The following ATP2B2 variants were observed in gnomAD, a reference collection of about 807,000 sequenced individuals.
ATP2B2 encodes the protein plasma membrane calcium-transporting ATPase 2.
ATP2B2 carries 15 observed loss-of-function variants against 120.0 expected under a neutral mutation model. That is an observed-to-expected ratio of 0.12 (90% CI 0.08 to 0.19). The LOEUF (loss-of-function observed/expected upper bound fraction) is 0.19, where lower values mean the gene tolerates loss of function less well. Among genes scored for constraint, ATP2B2 ranks in the 10% least tolerant of loss-of-function variants. ATP2B2 has a pLI of 1.00. For missense variants in ATP2B2, 1,045 were observed against 1,719.8 expected, an observed-to-expected ratio of 0.61 and a Z score of 6.94; for synonymous variants, 694 against 700.3, an observed-to-expected ratio of 0.99 and a Z score of 0.14.
chr3:10,498,610 C>T (rs1333542043), intron 1 of ATP2B2, among the ~76,000 whole-genome samples: 10 of 152,320 alleles, frequency 6.6e-5, no homozygotes, highest in East Asian at 3.9e-4. Flanking sequence ...AAAATGGTCC[C>T]GGGGCAGCCA....
At chr3:10,455,264 A>G (rs924049982) in intron 1 of ATP2B2, among the ~76,000 whole-genome samples, 26 of 152,084 alleles carry the variant, frequency 1.7e-4, no homozygotes, top group African/African-American at 5.6e-4. Context: ...ACTGCCCTCC[A>G]CTGCCCAGTT....
intron 8 of ATP2B2, among the ~76,000 whole-genome samples, chr3:10,384,504 C>A (rs911723517): frequency 6.6e-6 from 1 of 152,106 alleles, no homozygotes; most frequent in Non-Finnish European, 1.5e-5. Flanking sequence ...GATAGAAATC[C>A]GAAATCTTCT....
intron 5 of ATP2B2, among the ~76,000 whole-genome samples, chr3:10,398,671 T>C (rs2062122324): frequency 6.6e-6 from 1 of 152,186 alleles, no homozygotes; most frequent in Non-Finnish European, 1.5e-5. Flanking sequence ...GGAGGATCTC[T>C]TGGTCTCCTG....
intron 2 of ATP2B2, among the ~76,000 whole-genome samples, chr3:10,566,055 C>A (rs541811188): frequency 4.8e-4 from 73 of 152,178 alleles, no homozygotes; most frequent in Non-Finnish European, 9.6e-4. Context: ...AGATGTTCAC[C>A]AGCTATCTGC....
At chr3:10,516,451 G>C (rs74908436) in intron 3 of ATP2B2, among the ~76,000 whole-genome samples, 3,823 of 152,168 alleles carry the variant, frequency 0.025, 114 homozygotes, top group East Asian at 0.15. Flanking sequence ...TTCCTCTCTT[G>C]TTGCTGACCC....
intron 5 of ATP2B2, among the ~76,000 whole-genome samples, chr3:10,396,570 A>G (rs1193756032): frequency 1.3e-5 from 2 of 152,220 alleles, no homozygotes; most frequent in Admixed American, 1.3e-4. Flanking sequence ...GCTGATGTAA[A>G]GGGCCCATGG....
chr3:10,607,996 A>C (rs2069131422), intron 2 of ATP2B2, among the ~76,000 whole-genome samples: 1 of 152,100 alleles, frequency 6.6e-6, no homozygotes, highest in Non-Finnish European at 1.5e-5. Flanking sequence ...AAGAGGCAGC[A>C]TCACCCACCC....
intron 12 of ATP2B2, 70 bp from the exon 13 acceptor site, chr3:10,360,193 C>G: frequency 6.6e-7 from 1 of 1,519,296 alleles, no homozygotes; most frequent in Non-Finnish European, 8.8e-7. Context: ...CTGGCTGCCA[C>G]TGAGGCTCTG....
intron 1 of ATP2B2, among the ~76,000 whole-genome samples, chr3:10,665,218 G>A (rs1420802895): frequency 6.6e-5 from 10 of 151,624 alleles, no homozygotes; most frequent in Admixed American, 2.0e-4. Context: ...TGGCACCCAC[G>A]CACCTCAGCC....
chr3:10,671,152 T>G (rs2071085236), intron 1 of ATP2B2, among the ~76,000 whole-genome samples: 1 of 152,206 alleles, frequency 6.6e-6, no homozygotes, highest in Admixed American at 6.5e-5. Context: ...GGAGATACCC[T>G]AAGATATTAG....
chr3:10,567,662 G>A (rs1427702612), intron 2 of ATP2B2, among the ~76,000 whole-genome samples: 2 of 152,232 alleles, frequency 1.3e-5, no homozygotes, highest in Admixed American at 1.3e-4. Context: ...TTCGTTTAGA[G>A]CAAGCCCTCA....
intron 8 of ATP2B2, among the ~76,000 whole-genome samples, chr3:10,382,852 T>G (rs2061570782): frequency 6.6e-6 from 1 of 151,842 alleles, no homozygotes; most frequent in Non-Finnish European, 1.5e-5. Flanking sequence ...CACCCTAATT[T>G]TTTTTTTCCA....
chr3:10,629,397 G>A (rs532435836), intron 1 of ATP2B2, among the ~76,000 whole-genome samples: 38 of 152,338 alleles, frequency 2.5e-4, no homozygotes, highest in African/African-American at 9.1e-4. Flanking sequence ...ATTTTAAGGA[G>A]GAGGCAAACT....
At chr3:10,349,987 G>T in intron 16 of ATP2B2, 125 bp downstream of exon 16, 3 of 941,058 alleles carry the variant, frequency 3.2e-6, no homozygotes, top group Non-Finnish European at 4.9e-6. Context: ...CTGTGCCCAG[G>T]TGTGGAGAGT....
intron 3 of ATP2B2, among the ~76,000 whole-genome samples, chr3:10,512,771 C>T: frequency 6.6e-6 from 1 of 152,220 alleles, no homozygotes. Context: ...CCCTCTGGGA[C>T]TCTGCCTCAG....
upstream of ATP2B2, among the ~76,000 whole-genome samples, chr3:10,508,412 C>T (rs2066691229): frequency 6.6e-6 from 1 of 152,224 alleles, no homozygotes; most frequent in Non-Finnish European, 1.5e-5. Flanking sequence ...GTCTGTCTCC[C>T]TCACTGGGCT....
At position 10,688,144 on chromosome 3, in the gene ATP2B2, C is replaced by A. The variant is rs533177980; in HGVS notation, c.-460+19771G>T. ...AGGTTTATCACTTTCCTGCCTCTAG[C>A]TTCAGTTTCTCCAATTGTGAGAGAG... On this transcript the variant is annotated intron_variant, in intron 1 of 21. Coordinates refer to the ATP2B2 transcript ENST00000646379. 2.6e-5 allele frequency among the ~76,000 whole-genome samples: 4 copies of A among 152,270 alleles called. No individual in the cohort carries two copies. In the South Asian group the frequency reaches 6.2e-4, roughly 24 times the overall value.
intron 2 of ATP2B2, among the ~76,000 whole-genome samples, chr3:10,571,564 G>T (rs544836414): frequency 6.6e-6 from 1 of 152,322 alleles, no homozygotes; most frequent in South Asian, 2.1e-4. Context: ...CAAGAGTTGG[G>T]GGCCTAGAAG....
At chr3:10,440,892 T>A (rs769694640) in intron 2 of ATP2B2, among the ~76,000 whole-genome samples, 3 of 152,240 alleles carry the variant, frequency 2.0e-5, no homozygotes, top group Non-Finnish European at 2.9e-5. Context: ...TGATGACAGT[T>A]CCTGTTTCAC....
Sources: allele counts gnomAD v4.1 joint callset (sites outside exome capture counted in the v4.1 genomes callset), GRCh38; gene constraint gnomAD v4.1.1; transcripts MANE v1.5; gene names NCBI Gene and HGNC (gene_info 2026-07-23, HGNC 2026-07-21).